PLAC8L1: variants seen among roughly 807,000 people sequenced by gnomAD.
PLAC8L1 encodes the protein PLAC8 like 1.
Under a neutral mutation model 16.3 loss-of-function variants are expected in PLAC8L1, and 13 were observed. The observed-to-expected ratio is 0.80, with a 90% CI of 0.52 to 1.27. The LOEUF is 1.27. Among genes scored for constraint, PLAC8L1 ranks in the 50% most tolerant of loss-of-function variants. The pLI is 0.00. For synonymous variants in PLAC8L1, 78 were observed against 79.3 expected (o/e 0.98, Z 0.09); for missense variants, 184 against 220.2 (o/e 0.84, Z 1.04).
chr5:146,098,056 ATT>A (rs1763744569), intron 2 of PLAC8L1, 98 bp downstream of exon 2: 1 of 1,346,056 alleles, frequency 7.4e-7, no homozygotes, highest in Non-Finnish European at 1.0e-6. Flanking sequence ...TTCTGAAAAC[ATT>A]TAATTTCTGT....
At chr5:146,103,056 TTCAG>T (rs1763847554) in intron 1 of PLAC8L1, among the ~76,000 whole-genome samples, 1 of 152,180 alleles carries the variant, frequency 6.6e-6, no homozygotes, top group African/African-American at 2.4e-5. Context: ...TGCCTTAAAA[TTCAG>T]TCAGAGTGAT....
rs368102165 is a variant in PLAC8L1 at position 146,084,525 on chromosome 5, A to G, written c.441T>C (p.Phe147=). 6.2e-7 allele frequency: 1 copy of G among 1,614,134 alleles called. No homozygotes were observed. Among genetic ancestry groups the G allele is most frequent in the South Asian group, 1.1e-5 (1 of 91,072 alleles). The change falls in exon 4 of 4, where the codon TTT becomes TTC. Residue 147 remains phenylalanine, a synonymous_variant. Coordinates refer to ENST00000311450, the MANE Select transcript of PLAC8L1 (RefSeq NM_001029869.3). ...DWLAVHCCWA[F]SICQVARELK... ...GTTCCCGGGCCACCTGGCAGATGGA[A>G]AAAGCCCAACAGCAGTGCACCGCCA...
intron 1 of PLAC8L1, among the ~76,000 whole-genome samples, chr5:146,098,825 G>A (rs1763761630): frequency 6.6e-6 from 1 of 152,212 alleles, no homozygotes; most frequent in Non-Finnish European, 1.5e-5. Context: ...GAACTGGACT[G>A]AGTGGGCAGA....
intron 2 of PLAC8L1, among the ~76,000 whole-genome samples, chr5:146,087,005 AGCTCC>A (rs1763527424): frequency 6.6e-6 from 1 of 152,144 alleles, no homozygotes; most frequent in African/African-American, 2.4e-5. Flanking sequence ...CTCACCCCAG[AGCTCC>A]TGTGTCCTTT....
chr5:146,100,467 T>G (rs1455483616), intron 1 of PLAC8L1, among the ~76,000 whole-genome samples: 2 of 150,782 alleles, frequency 1.3e-5, no homozygotes, highest in Non-Finnish European at 3.0e-5. Flanking sequence ...GCAAATAAAT[T>G]AATGCTCAAT....
chr5:146,091,887 T>C (rs1275419277), intron 2 of PLAC8L1, among the ~76,000 whole-genome samples: 1 of 152,060 alleles, frequency 6.6e-6, no homozygotes, highest in African/African-American at 2.4e-5. Context: ...GTATTGTTAC[T>C]AGTGAAAAAA....
chr5:146,091,776 T>C (rs1763622478), intron 2 of PLAC8L1, among the ~76,000 whole-genome samples: 1 of 152,222 alleles, frequency 6.6e-6, no homozygotes, highest in Non-Finnish European at 1.5e-5. Context: ...TACTTCAGCC[T>C]GGGCAACAAG....
chr5:146,093,663 C>T (rs76140685), intron 2 of PLAC8L1, among the ~76,000 whole-genome samples: 1,759 of 152,286 alleles, frequency 0.012, 26 homozygotes, highest in African/African-American at 0.034. Context: ...CTCTGCTGGG[C>T]GTCAGAGCAT....
At chr5:146,100,755 T>C (rs1357542630) in intron 1 of PLAC8L1, among the ~76,000 whole-genome samples, 1 of 152,190 alleles carries the variant, frequency 6.6e-6, no homozygotes, top group African/African-American at 2.4e-5. Context: ...TGATGTAAGT[T>C]AGGGCCCATT....
intron 1 of PLAC8L1, 180 bp downstream of exon 1, chr5:146,104,013 C>A (rs1166078549): frequency 1.0e-6 from 1 of 985,288 alleles, no homozygotes; most frequent in Non-Finnish European, 1.2e-6. Context: ...TTGTCACCAG[C>A]CAAGAAAGGC....
rs767309853 is a variant in PLAC8L1, at chr5:146,085,584, T to C, written c.270A>G (p.Leu90=). ...CACACTCAAGACACATAGGACAGAA[T>C]AGACCACAGAAACCTGTCAATAACC... ...CRDRRICFCG[L]FCPMCLECDI... Residue 90 remains leucine (L), a synonymous_variant, in exon 3 of 4, where the codon CTA becomes CTG. Coordinates refer to ENST00000311450, the MANE Select transcript of PLAC8L1 (RefSeq NM_001029869.3). 6.2e-6 allele frequency: 10 copies of C among 1,613,394 alleles called. No homozygotes were observed. The highest frequency in any genetic ancestry group is 4.0e-5 in the African/African-American group (3 of 74,898).
At position 146,098,158 on chromosome 5, in the gene PLAC8L1, A is replaced by G. The variant is rs1170780753; in HGVS notation, c.254T>C (p.Ile85Thr). 1.2e-6 allele frequency: 2 copies of G among 1,608,260 alleles called. No individual in the cohort carries two copies. The highest frequency in any genetic ancestry group is 1.7e-6 in the Non-Finnish European group (2 of 1,176,222). Residue 85 changes from isoleucine to threonine, a missense_variant and splice_region_variant, in exon 2 of 4, where the codon ATT (isoleucine) becomes ACT (threonine). Ile to Thr is a moderately conservative substitution (Grantham distance 89). Transcript: ENST00000311450. Reference sequence around the variant, plus strand: ...TTAAATAAGGAGGAAAAACTTACAAATTCTCCTATCTCTGCAGACACTGAA... The same window carrying G: ...TTAAATAAGGAGGAAAAACTTACAAGTTCTCCTATCTCTGCAGACACTGAA... ...GLFSVCRDRR[I>T]CFCGLFCPMC...
intron 2 of PLAC8L1, among the ~76,000 whole-genome samples, chr5:146,088,984 A>C (rs1289369353): frequency 1.3e-5 from 2 of 152,198 alleles, no homozygotes; most frequent in Non-Finnish European, 2.9e-5. Context: ...AAATTAATCA[A>C]AACTTGCTTA....
chr5:146,094,833 T>C (rs987146896), intron 2 of PLAC8L1, among the ~76,000 whole-genome samples: 3 of 152,214 alleles, frequency 2.0e-5, no homozygotes, highest in Non-Finnish European at 4.4e-5. Context: ...TAATGTACCC[T>C]TTGCTTAATG....
intron 1 of PLAC8L1, among the ~76,000 whole-genome samples, chr5:146,099,767 G>A (rs2150037784): frequency 6.6e-6 from 1 of 151,238 alleles, no homozygotes; most frequent in East Asian, 2.0e-4. Context: ...CTACCCTTAA[G>A]ACAACATCCT....
At chr5:146,085,661 A>G in intron 2 of PLAC8L1, 64 bp from the exon 3 acceptor site, 1 of 1,540,382 alleles carries the variant, frequency 6.5e-7, no homozygotes, top group Non-Finnish European at 8.8e-7. Flanking sequence ...TCACATCTCA[A>G]AGAATATTTA....
chr5:146,084,792 A>G (rs1057124819), intron 3 of PLAC8L1, among the ~76,000 whole-genome samples: 1 of 152,234 alleles, frequency 6.6e-6, no homozygotes, highest in Admixed American at 6.5e-5. Context: ...GACCTCTGAT[A>G]TGGGCCTTTA....
In PLAC8L1 at chr5:146,085,497, T is replaced by G; in HGVS notation, c.357A>C (p.Ala119=). The part of the protein sequence containing the change: ...CWPLLPGSTF[A]LRIGTRERHK... ...GTCTCTCCCTGGTGCCAATTCTCAG[T>G]GCAAAGGTGGACCCAGGTAACAACG... Residue 119 remains alanine (A), a synonymous_variant, in exon 3 of 4, where the codon GCA becomes GCC. Transcript: ENST00000311450. 6.2e-7 allele frequency: 1 copy of G among 1,614,116 alleles called. No individual in the cohort carries two copies. Among genetic ancestry groups the G allele is most frequent in the Non-Finnish European group, 8.5e-7 (1 of 1,180,022 alleles).
intron 2 of PLAC8L1, among the ~76,000 whole-genome samples, chr5:146,087,305 T>G (rs1213561549): frequency 2.0e-5 from 3 of 150,950 alleles, no homozygotes; most frequent in African/African-American, 7.3e-5. Context: ...TTTTTTGCTA[T>G]TATGAATTTG....
Sources: allele counts gnomAD v4.1 joint callset (sites outside exome capture counted in the v4.1 genomes callset), GRCh38; gene constraint gnomAD v4.1.1; transcripts MANE v1.5; gene names NCBI Gene and HGNC (gene_info 2026-07-23, HGNC 2026-07-21).